MCPH1: variants seen among roughly 807,000 people sequenced by gnomAD.
The protein encoded by MCPH1 is microcephalin.
In MCPH1, 104 loss-of-function variants were observed where a neutral mutation model predicts 84.5. That is an observed-to-expected ratio of 1.23 (90% CI 1.05 to 1.45). The LOEUF (loss-of-function observed/expected upper bound fraction) is 1.45, where lower values mean the gene tolerates loss of function less well. Among genes scored for constraint, MCPH1 ranks in the 40% most tolerant of loss-of-function variants. The pLI is 0.00. For missense variants in MCPH1, 1,498 were observed against 1,005.7 expected, an observed-to-expected ratio of 1.49 and a Z score of -6.62; for synonymous variants, 514 against 366.8, an observed-to-expected ratio of 1.40 and a Z score of -4.58.
intron 3 of MCPH1, among the ~76,000 whole-genome samples, chr8:6,416,760 G>A (rs772189658): frequency 8.5e-5 from 13 of 152,108 alleles, no homozygotes; most frequent in East Asian, 7.7e-4. Flanking sequence ...TTGGGAGGCC[G>A]AGGGGGGTGG....
At position 6,608,604 on chromosome 8, in the gene MCPH1, G is replaced by A. The variant is rs144387504; in HGVS notation, c.2215-12850G>A. Among the ~76,000 whole-genome samples, 38 of 152,258 alleles carry A rather than the reference G, an allele frequency of 2.5e-4. 1 individual carries two copies. The East Asian group carries it at 6.2e-3, about 25-fold the overall frequency. Reference sequence around the variant, plus strand: ...GACCCGCTTGCTCTTCTGAGCCTCCGTGATTCTCATTCGGTCCTTTGCTGT... The same window carrying A: ...GACCCGCTTGCTCTTCTGAGCCTCCATGATTCTCATTCGGTCCTTTGCTGT... On this transcript the variant is annotated intron_variant, in intron 12 of 13. Transcript: ENST00000344683.
intron 12 of MCPH1, among the ~76,000 whole-genome samples, chr8:6,580,999 C>T (rs1395504409): frequency 6.6e-6 from 1 of 152,126 alleles, no homozygotes; most frequent in Non-Finnish European, 1.5e-5. Flanking sequence ...TACAAAAAAT[C>T]GAGTACAACA....
intron 12 of MCPH1, among the ~76,000 whole-genome samples, chr8:6,610,706 T>C (rs1435609678): frequency 6.6e-6 from 1 of 152,110 alleles, no homozygotes; most frequent in Non-Finnish European, 1.5e-5. Context: ...CATTTTCAAG[T>C]CTGTTATCTT....
At chr8:6,504,719 T>C (rs898816404) in intron 12 of MCPH1, among the ~76,000 whole-genome samples, 2 of 152,210 alleles carry the variant, frequency 1.3e-5, no homozygotes, top group Admixed American at 6.5e-5. Flanking sequence ...ACAAATCTTA[T>C]ATCCATGAAA....
At chr8:6,594,317 C>G (rs1479664566) in intron 12 of MCPH1, among the ~76,000 whole-genome samples, 2 of 152,194 alleles carry the variant, frequency 1.3e-5, no homozygotes, top group Admixed American at 6.5e-5. Flanking sequence ...GAGTGGTTTA[C>G]CCAGGGCACC....
At chr8:6,583,034 G>A (rs755781113) in intron 12 of MCPH1, among the ~76,000 whole-genome samples, 3 of 152,148 alleles carry the variant, frequency 2.0e-5, no homozygotes, top group African/African-American at 2.4e-5. Context: ...CATTGAAATC[G>A]AGTTACATGT....
Position 6,434,951 on chromosome 8 carries a change from A to C in MCPH1, c.322-1097A>C, listed in dbSNP as rs144627729. 4.6e-4 allele frequency among the ~76,000 whole-genome samples: 70 copies of C among 152,308 alleles called. No homozygotes were observed. In the East Asian group the frequency reaches 0.013, roughly 29 times the overall value. ...ATGGCTGGGCTAAAGACGGGAAGTC[A>C]ATGGGCAGTTCCAAGAACAGAAAGT... On this transcript the variant is annotated intron_variant, in intron 4 of 13. Coordinates refer to ENST00000344683, the MANE Select transcript of MCPH1 (RefSeq NM_024596.5).
intron 13 of MCPH1, chr8:6,627,380 G>A (rs940183538): frequency 1.5e-5 from 12 of 810,000 alleles, no homozygotes; most frequent in African/African-American, 9.3e-5. Context: ...CTCCAAGGAC[G>A]GCCTCATTTT....
At chr8:6,418,674 C>G (rs915353062) in intron 3 of MCPH1, among the ~76,000 whole-genome samples, 17 of 152,140 alleles carry the variant, frequency 1.1e-4, no homozygotes, top group African/African-American at 3.6e-4. Flanking sequence ...CCTCCTACTC[C>G]CTGGTTCAGC....
intron 9 of MCPH1, among the ~76,000 whole-genome samples, chr8:6,459,621 G>C (rs1585894978): frequency 1.3e-5 from 2 of 152,294 alleles, no homozygotes; most frequent in East Asian, 1.9e-4. Flanking sequence ...TAAGGTCTGG[G>C]CCTGACATTT....
chr8:6,604,689 G>C (rs180678339), intron 12 of MCPH1, among the ~76,000 whole-genome samples: 2 of 152,340 alleles, frequency 1.3e-5, no homozygotes, highest in Admixed American at 1.3e-4. Flanking sequence ...ATTTGTAGTA[G>C]AGACAGGGTT....
intron 12 of MCPH1, among the ~76,000 whole-genome samples, chr8:6,568,304 G>A (rs756998040): frequency 8.1e-5 from 11 of 135,924 alleles, no homozygotes; most frequent in African/African-American, 9.4e-5. Context: ...TGGACCCATC[G>A]CTAGCTGAAT....
chr8:6,632,030 A>G (rs1358881570), intron 13 of MCPH1, among the ~76,000 whole-genome samples: 8 of 152,234 alleles, frequency 5.3e-5, no homozygotes, highest in Admixed American at 5.2e-4. Context: ...TGATACATGT[A>G]ACACTGTGGA....
intron 12 of MCPH1, 46 bp from the exon 13 acceptor site, chr8:6,621,408 C>T (rs1328285355): frequency 3.7e-6 from 6 of 1,609,920 alleles, no homozygotes; most frequent in Non-Finnish European, 5.1e-6. Context: ...GCTATGGAGA[C>T]TGGAGTGGTC....
At chr8:6,629,906 A>G (rs1797027525) in intron 13 of MCPH1, among the ~76,000 whole-genome samples, 1 of 152,332 alleles carries the variant, frequency 6.6e-6, no homozygotes, top group South Asian at 2.1e-4. Flanking sequence ...GGCTGGGCCC[A>G]GCAAGTGGAA....
chr8:6,496,865 C>T (rs1345653626), intron 11 of MCPH1, among the ~76,000 whole-genome samples: 1 of 152,154 alleles, frequency 6.6e-6, no homozygotes, highest in Non-Finnish European at 1.5e-5. Context: ...ATCCCTCTTA[C>T]AGATTGCCTT....
intron 9 of MCPH1, among the ~76,000 whole-genome samples, chr8:6,460,693 A>C (rs1226628113): frequency 1.3e-5 from 2 of 151,298 alleles, no homozygotes; most frequent in African/African-American, 4.9e-5. Context: ...ATGCCTGGTT[A>C]GTTTGTCTTT....
At chr8:6,514,890 C>G (rs1815945780) in intron 12 of MCPH1, 2 of 842,202 alleles carry the variant, frequency 2.4e-6, no homozygotes, top group Non-Finnish European at 3.9e-6. Flanking sequence ...AGAGGGTTCT[C>G]TGGGATATAA....
rs748320867 is a variant in MCPH1, at chr8:6,445,274, G to A, written c.1552G>A (p.Ala518Thr). Residue 518 changes from alanine to threonine, a missense_variant, in exon 8 of 14, where the codon GCA (alanine) becomes ACA (threonine). Ala to Thr is a moderately conservative substitution (Grantham distance 58). Transcript: ENST00000344683. The stretch of plus-strand genomic sequence containing the variant: ...TTGTAGACAGGCTGGGAAAGAAGAC[G>A]CATGCCCAGAGGGAAATGGCTTTTC... ...RCCRQAGKED[A>T]CPEGNGFSYT... is the part of the protein sequence containing the mutation. 5 of 1,614,078 alleles carry A rather than the reference G, an allele frequency of 3.1e-6. No homozygotes were observed. Among genetic ancestry groups the A allele is most frequent in the East Asian group, 2.2e-5 (1 of 44,894 alleles).
Sources: gnomAD v4.1 joint callset for allele counts (sites outside exome capture counted in the v4.1 genomes callset) on GRCh38, gnomAD v4.1.1 for gene constraint, MANE v1.5 for transcripts, NCBI Gene and HGNC (gene_info 2026-07-23, HGNC 2026-07-21) for gene names.